The following PDZRN4 variants were observed in gnomAD, a reference collection of about 807,000 sequenced individuals.
PDZRN4 encodes PDZ domain containing ring finger 4, also known as PDZ domain-containing RING finger protein 4.
A neutral mutation model predicts 99.0 loss-of-function variants in PDZRN4; 70 were observed. That is an observed-to-expected ratio of 0.71 (90% confidence interval 0.58 to 0.86). The LOEUF (loss-of-function observed/expected upper bound fraction) is 0.86. PDZRN4 is among the 40% of genes least tolerant of loss of function. The pLI, the probability that PDZRN4 is intolerant of heterozygous loss-of-function variation, is 0.00. For missense variants in PDZRN4, 1,474 were observed against 1,331.2 expected (o/e 1.11, Z -1.67); for synonymous variants, 551 against 501.6 (o/e 1.10, Z -1.32).
intron 3 of PDZRN4, among the ~76,000 whole-genome samples, chr12:41,434,134 C>A (rs761023371): frequency 4.3e-4 from 66 of 152,086 alleles, no homozygotes; most frequent in Non-Finnish European, 2.8e-4. Flanking sequence ...TTATTAAAAT[C>A]TTTTTAAATC....
intron 3 of PDZRN4, among the ~76,000 whole-genome samples, chr12:41,249,304 T>C (rs925376961): frequency 6.6e-6 from 1 of 152,358 alleles, no homozygotes; most frequent in South Asian, 2.1e-4. Context: ...GTATGAACTA[T>C]TTTGCATGAA....
chr12:41,412,586 G>A (rs554936923), intron 3 of PDZRN4: 3 of 151,910 alleles, frequency 2.0e-5, no homozygotes, highest in Admixed American at 6.6e-5. Flanking sequence ...CAAAAAGGAC[G>A]GTCAATATTA....
At chr12:41,243,289 AC>A (rs1951112211) in intron 3 of PDZRN4, among the ~76,000 whole-genome samples, 1 of 152,210 alleles carries the variant, frequency 6.6e-6, no homozygotes, top group Non-Finnish European at 1.5e-5. Flanking sequence ...TTTTACACAG[AC>A]ATTACCCTTT....
At chr12:41,447,406 A>T (rs1432253602) in intron 3 of PDZRN4, among the ~76,000 whole-genome samples, 1 of 152,180 alleles carries the variant, frequency 6.6e-6, no homozygotes, top group Non-Finnish European at 1.5e-5. Context: ...AATATCAAGC[A>T]TAGCATGGGA....
intron 3 of PDZRN4, among the ~76,000 whole-genome samples, chr12:41,438,693 G>A (rs1012549256): frequency 6.6e-6 from 1 of 152,120 alleles, no homozygotes; most frequent in Non-Finnish European, 1.5e-5. Flanking sequence ...AAATTTAGAT[G>A]TCTCTTTTAT....
At chr12:41,402,360 G>A (rs748880485) in intron 3 of PDZRN4, among the ~76,000 whole-genome samples, 110 of 110 alleles carry the variant, frequency 1, 55 homozygotes, top group Non-Finnish European at 1. Context: ...CACACAGTGT[G>A]TATATATATA....
At chr12:41,539,499 C>G (rs1231667245) in intron 5 of PDZRN4, among the ~76,000 whole-genome samples, 1 of 151,996 alleles carries the variant, frequency 6.6e-6, no homozygotes, top group African/African-American at 2.4e-5. Flanking sequence ...AGGATCTTGA[C>G]AGCCTTAAGT....
At chr12:41,400,821 A>G (rs1952283958) in intron 3 of PDZRN4, among the ~76,000 whole-genome samples, 1 of 152,188 alleles carries the variant, frequency 6.6e-6, no homozygotes, top group Non-Finnish European at 1.5e-5. Context: ...AAAATGTTCA[A>G]GTAGCTAACT....
intron 3 of PDZRN4, among the ~76,000 whole-genome samples, chr12:41,312,914 T>A (rs185235635): frequency 6.6e-6 from 1 of 152,174 alleles, no homozygotes; most frequent in Admixed American, 6.5e-5. Flanking sequence ...CAGTGTCCGT[T>A]ATGGCCAAAT....
intron 3 of PDZRN4, among the ~76,000 whole-genome samples, chr12:41,195,277 T>C (rs1950763602): frequency 6.6e-6 from 1 of 152,180 alleles, no homozygotes; most frequent in African/African-American, 2.4e-5. Flanking sequence ...AAGCTATAAA[T>C]AGGAATTTGG....
chr12:41,221,876 C>A (rs1376480126), intron 3 of PDZRN4, among the ~76,000 whole-genome samples: 1 of 152,104 alleles, frequency 6.6e-6, no homozygotes, highest in Non-Finnish European at 1.5e-5. Flanking sequence ...ATCCAGTCCC[C>A]TACAGGGGAT....
intron 3 of PDZRN4, among the ~76,000 whole-genome samples, chr12:41,203,423 A>G (rs530138667): frequency 1.3e-5 from 2 of 152,136 alleles, no homozygotes; most frequent in Admixed American, 6.6e-5. Context: ...AGTTTTCCAT[A>G]TTTAGGAAGA....
intron 3 of PDZRN4, among the ~76,000 whole-genome samples, chr12:41,397,320 TTC>T (rs1952254750): frequency 6.6e-6 from 1 of 152,158 alleles, no homozygotes; most frequent in African/African-American, 2.4e-5. Flanking sequence ...TCTAGTAGAT[TTC>T]TGTCTTATTT....
At chr12:41,388,390 A>T (rs201598228) in intron 3 of PDZRN4, among the ~76,000 whole-genome samples, 605 of 42,054 alleles carry the variant, frequency 0.014, 3 homozygotes, top group African/African-American at 0.057. Flanking sequence ...TAAAAGATTA[A>T]AAAAAAAAAA....
At chr12:41,554,363 T>G (rs1331709802) in intron 6 of PDZRN4, among the ~76,000 whole-genome samples, 1 of 152,168 alleles carries the variant, frequency 6.6e-6, no homozygotes, top group Non-Finnish European at 1.5e-5. Context: ...AGCTGCACTT[T>G]TCAGGGAAGG....
chr12:41,507,114 G>A (rs760087779), intron 4 of PDZRN4, among the ~76,000 whole-genome samples: 1 of 152,122 alleles, frequency 6.6e-6, no homozygotes, highest in Non-Finnish European at 1.5e-5. Flanking sequence ...ATTCTCCTCT[G>A]TGGGCCACCT....
chr12:41,192,374 A>G (rs1186458755), intron 2 of PDZRN4, among the ~76,000 whole-genome samples: 5 of 152,242 alleles, frequency 3.3e-5, no homozygotes, highest in African/African-American at 4.8e-5. Flanking sequence ...TGCTGGGATT[A>G]CAGGCTTGAG....
intron 3 of PDZRN4, among the ~76,000 whole-genome samples, chr12:41,350,495 T>C (rs1246412680): frequency 3.9e-5 from 6 of 152,090 alleles, no homozygotes; most frequent in Non-Finnish European, 8.8e-5. Flanking sequence ...ACTTTATTAT[T>C]TATGAAATCT....
At chr12:41,351,844 T>A (rs1951892238) in intron 3 of PDZRN4, among the ~76,000 whole-genome samples, 1 of 151,872 alleles carries the variant, frequency 6.6e-6, no homozygotes, top group African/African-American at 2.4e-5. Flanking sequence ...GAAGTATTTT[T>A]AAAAATCTCA....
Sources: gnomAD v4.1 joint callset for allele counts (sites outside exome capture counted in the v4.1 genomes callset) on GRCh38, gnomAD v4.1.1 for gene constraint, MANE v1.5 for transcripts, NCBI Gene and HGNC (gene_info 2026-07-23, HGNC 2026-07-21) for gene names.